Variants in SEL1L2 observed in about 807,000 individuals in gnomAD.
SEL1L2 encodes the protein SEL1L2 adaptor subunit of SYVN1 ubiquitin ligase.
In SEL1L2, 89 loss-of-function variants were observed where a neutral mutation model predicts 98.8. The observed-to-expected ratio is 0.90, with a 90% CI of 0.76 to 1.07. The LOEUF is 1.07. Among genes scored for constraint, SEL1L2 ranks in the 50% least tolerant of loss-of-function variants. The probability of loss-of-function intolerance (pLI) is 0.00; values close to 1 mark genes in which losing one functional copy is unlikely to be tolerated. For missense variants in SEL1L2, 788 were observed against 812.0 expected (o/e 0.97, Z 0.36); for synonymous variants, 262 against 278.5 (o/e 0.94, Z 0.59).
rs1991092849 is a variant in SEL1L2, at chr20:13,866,704, C to T, written c.1402G>A (p.Glu468Lys). Reference sequence around the variant, plus strand: ...AAACAGCCGCATATTATATTTACCTCCACAGCAGTTCTGCATGATCTTACT... The same window carrying T: ...AAACAGCCGCATATTATATTTACCTTCACAGCAGTTCTGCATGATCTTACT... ...GVVRSCRTAV[E>K]LYKGVCELGH... Residue 468 changes from glutamate (E) to lysine (K), a missense_variant and splice_region_variant, in exon 15 of 20, where the codon GAG becomes AAG. Glu to Lys is a moderately conservative substitution (Grantham distance 56). Transcript: ENST00000284951. The T allele has an allele frequency of 1.3e-6, 2 of 1,575,944 alleles. No individual in the cohort carries two copies. Among genetic ancestry groups the T allele is most frequent in the African/African-American group, 2.8e-5 (2 of 72,692 alleles).
At chr20:13,946,395 T>C (rs1275753757) in intron 2 of SEL1L2, among the ~76,000 whole-genome samples, 5 of 151,858 alleles carry the variant, frequency 3.3e-5, no homozygotes, top group Non-Finnish European at 7.4e-5. Context: ...TAAAATAGCA[T>C]AAAAAAGAAT....
chr20:13,849,873 C>G (rs545954214), intron 19 of SEL1L2: 1 of 545,806 alleles, frequency 1.8e-6, no homozygotes, highest in South Asian at 2.3e-5. Context: ...CGTCTGCCTA[C>G]CAGTCTCGGC....
intron 3 of SEL1L2, among the ~76,000 whole-genome samples, chr20:13,923,788 T>A (rs1011639832): frequency 5.3e-5 from 8 of 152,086 alleles, no homozygotes; most frequent in Non-Finnish European, 7.4e-5. Flanking sequence ...AAAAAAGATA[T>A]TATATATTCT....
intron 12 of SEL1L2, among the ~76,000 whole-genome samples, chr20:13,872,351 C>T (rs1202344751): frequency 6.6e-6 from 1 of 152,170 alleles, no homozygotes; most frequent in Non-Finnish European, 1.5e-5. Flanking sequence ...CCCCGTGCTG[C>T]TGTTCCTGTG....
chr20:13,875,032 G>A (rs544850038), intron 12 of SEL1L2, among the ~76,000 whole-genome samples: 55 of 152,286 alleles, frequency 3.6e-4, no homozygotes, highest in African/African-American at 1.3e-3. Context: ...GACCCCAGGA[G>A]CAGAGGCAAA....
At chr20:13,907,740 TTC>T (rs869160014) in intron 5 of SEL1L2, among the ~76,000 whole-genome samples, 1 of 94,532 alleles carries the variant, frequency 1.1e-5, no homozygotes, top group South Asian at 3.2e-4. Context: ...CTTTCTTTCT[TTC>T]TTTCTTTTCT....
At chr20:13,959,195 T>G (rs1371636459) in intron 1 of SEL1L2, among the ~76,000 whole-genome samples, 1 of 152,180 alleles carries the variant, frequency 6.6e-6, no homozygotes, top group African/African-American at 2.4e-5. Flanking sequence ...ATGTGTCCTC[T>G]TTTCTTAACA....
chr20:13,963,083 G>T (rs2050855195), intron 1 of SEL1L2, among the ~76,000 whole-genome samples: 1 of 105,666 alleles, frequency 9.5e-6, no homozygotes, highest in African/African-American at 3.0e-5. Flanking sequence ...AAAAGAAGAG[G>T]AAGAAGAAGA....
intron 5 of SEL1L2, 121 bp from the exon 6 acceptor site, chr20:13,888,633 C>CAA: frequency 8.6e-6 from 2 of 232,090 alleles, no homozygotes; most frequent in Admixed American, 1.2e-4. Flanking sequence ...TTCTTTCTTT[C>CAA]TCTTTTTTTT....
rs943027479 is a variant in SEL1L2, at chr20:13,988,302, C to A, written c.58+2175G>T. Among the ~76,000 whole-genome samples the A allele has an allele frequency of 2.0e-5, 3 of 152,030 alleles. No homozygotes were observed. The South Asian group carries it at 6.2e-4, about 32-fold the overall frequency. On this transcript the variant is annotated intron_variant, in intron 1 of 19. Coordinates refer to ENST00000284951, the MANE Select transcript of SEL1L2 (RefSeq NM_025229.2). ...ATCCTTCTGCCTAGGCCTCCCAAAG[C>A]GCTGGGATTACAGATACGAACCATT...
chr20:13,941,692 C>T (rs1394958146), intron 2 of SEL1L2, among the ~76,000 whole-genome samples: 1 of 152,144 alleles, frequency 6.6e-6, no homozygotes, highest in Non-Finnish European at 1.5e-5. Context: ...CTTCCCCCAA[C>T]CCCCTAACAA....
intron 5 of SEL1L2, among the ~76,000 whole-genome samples, chr20:13,895,444 T>C (rs1027898800): frequency 7.1e-5 from 8 of 112,902 alleles, no homozygotes; most frequent in African/African-American, 2.7e-4. Context: ...CCAGATCTTG[T>C]CCTAAAAAAA....
chr20:13,921,594 A>G (rs535558506), intron 3 of SEL1L2, among the ~76,000 whole-genome samples: 1 of 152,354 alleles, frequency 6.6e-6, no homozygotes, highest in Admixed American at 6.5e-5. Flanking sequence ...ACCTAATGGG[A>G]AAAATGATTT....
chr20:13,975,978 G>A (rs981459540), intron 1 of SEL1L2, among the ~76,000 whole-genome samples: 1 of 151,126 alleles, frequency 6.6e-6, no homozygotes, highest in East Asian at 2.0e-4. Context: ...TTACAAGCAT[G>A]AGCCACCAAG....
intron 10 of SEL1L2, among the ~76,000 whole-genome samples, chr20:13,882,944 G>T (rs182412526): frequency 0.032 from 4,781 of 149,330 alleles, 86 homozygotes; most frequent in African/African-American, 0.046. Flanking sequence ...AGCCTCCCAA[G>T]TAGCTGGGAC....
chr20:13,986,961 T>C (rs1334752407), intron 1 of SEL1L2, among the ~76,000 whole-genome samples: 1 of 152,046 alleles, frequency 6.6e-6, no homozygotes. Flanking sequence ...GCCTCCCGAG[T>C]AGCTGGGACT....
chr20:13,887,649 A>G lies in SEL1L2; in HGVS notation c.745+120T>C, dbSNP rs151188735. Reference sequence around the variant, plus strand: ...TATGTTAAAAGAATTGTATTATAACATATTAAAAACGTACACTTTTGATAT... The same window carrying G: ...TATGTTAAAAGAATTGTATTATAACGTATTAAAAACGTACACTTTTGATAT... On this transcript the variant is annotated intron_variant, in intron 8 of 19. Transcript: ENST00000284951. The G allele has an allele frequency of 3.4e-3, 2,225 of 663,956 alleles. 39 individuals carry two copies. The African/African-American group carries it at 0.037, about 11-fold the overall frequency. 41.1% of individuals were successfully genotyped at this position (663,956 alleles called of 1,614,324 possible).
intron 9 of SEL1L2, 75 bp downstream of exon 9, chr20:13,886,213 C>T: frequency 8.8e-7 from 1 of 1,131,260 alleles, no homozygotes; most frequent in Non-Finnish European, 1.3e-6. Flanking sequence ...TTGTTCATCC[C>T]TCCAGGACTC....
At position 13,864,601 on chromosome 20, in the gene SEL1L2, G is replaced by T. The variant is rs189207190; in HGVS notation, c.1645+566C>A. On this transcript the variant is annotated intron_variant, in intron 17 of 19. Coordinates refer to ENST00000284951, the MANE Select transcript of SEL1L2 (RefSeq NM_025229.2). ...CCTTATCCATGTGATGCCAGCAAGC[G>T]AGACATGGAAACTCGAGGAAAAGCG... Among the ~76,000 whole-genome samples the T allele has an allele frequency of 7.2e-5, 11 of 152,232 alleles. No homozygotes were observed. The East Asian group carries it at 1.7e-3, about 24-fold the overall frequency.
Sources: allele counts gnomAD v4.1 joint callset (sites outside exome capture counted in the v4.1 genomes callset), GRCh38; gene constraint gnomAD v4.1.1; transcripts MANE v1.5; gene names NCBI Gene and HGNC (gene_info 2026-07-23, HGNC 2026-07-21).